The following ZNF18 variants were observed in gnomAD, a reference collection of about 807,000 sequenced individuals.
ZNF18 encodes zinc finger protein 18.
A neutral mutation model predicts 58.1 loss-of-function variants in ZNF18; 42 were observed. The observed-to-expected ratio is 0.72, with a 90% confidence interval of 0.56 to 0.93. ZNF18 has a LOEUF of 0.93. ZNF18 is among the 40% of genes least tolerant of loss of function. The probability of loss-of-function intolerance (pLI) is 0.00; values close to 1 mark genes in which losing one functional copy is unlikely to be tolerated. For missense variants in ZNF18, 540 were observed against 644.2 expected (o/e 0.84, Z 1.75); for synonymous variants, 231 against 239.8 (o/e 0.96, Z 0.34).
At chr17:11,982,772 A>G (rs1967457446) in intron 6 of ZNF18, among the ~76,000 whole-genome samples, 1 of 151,914 alleles carries the variant, frequency 6.6e-6, no homozygotes, top group Non-Finnish European at 1.5e-5. Flanking sequence ...TGACTATTTT[A>G]CAAGATAACA....
chr17:12,014,751 T>C, the ZNF18 span, among the ~76,000 whole-genome samples: 4 of 152,102 alleles, frequency 2.6e-5, no homozygotes, highest in Non-Finnish European at 5.9e-5. Flanking sequence ...ACTGTGAATG[T>C]ACAAAAACCA....
Position 11,978,368 on chromosome 17 carries a change from A to T in ZNF18, c.1239T>A (p.Cys413Ter), listed in dbSNP as rs1967119694. The T allele has an allele frequency of 1.3e-6, 2 of 1,564,104 alleles. No homozygotes were observed. Among genetic ancestry groups the T allele is most frequent in the East Asian group, 4.5e-5 (2 of 44,628 alleles). Reference protein sequence around the residue: ...MAQKLPTCRECGKTFYRNSQL... With the variant: ...MAQKLPTCRE ...GAGAATTCCTATAAAAGGTCTTCCCACACTCCCTGCAGGTGGGGAGCTTCT... is the reference window on the plus strand; with the variant it reads ...GAGAATTCCTATAAAAGGTCTTCCCTCACTCCCTGCAGGTGGGGAGCTTCT... The change falls in exon 7 of 7, where the codon TGT becomes TGA. Residue 413 changes from cysteine (C) to a stop codon, truncating the protein, a stop_gained. Transcript: ENST00000580306. LOFTEE classifies it high-confidence loss of function.
chr17:12,020,910 C>CGGCGGCGGCTCCGGG, the ZNF18 span: 1 of 1,215,754 alleles, frequency 8.2e-7, no homozygotes, highest in Non-Finnish European at 1.0e-6. Context: ...GCCCGAGCGG[C>CGGCGGCGGCTCCGGG]GGCGGCGGCT....
Position 11,992,775 on chromosome 17 carries a change from C to T in ZNF18, c.55G>A (p.Glu19Lys), listed in dbSNP as rs1377448549. The T allele has an allele frequency of 2.7e-5, 44 of 1,614,002 alleles. No individual in the cohort carries two copies. The highest frequency in any genetic ancestry group is 3.7e-5 in the Non-Finnish European group (44 of 1,180,050). ...LGLLPSLAKA[E>K]DSQFSESDAA... ...TCTGATTCTGAGAACTGGGAGTCCT[C>T]GGCCTTCGCCAGCGATGGCAGCAGG... Residue 19 changes from glutamate to lysine, a missense_variant, in exon 2 of 7, where the codon GAG becomes AAG. Physicochemically the swap from Glu to Lys is moderately conservative, Grantham distance 56. Transcript: ENST00000580306.
chr17:11,992,503 T>G lies in ZNF18; in HGVS notation c.327A>C (p.Gly109=). 1.2e-6 allele frequency: 2 copies of G among 1,614,164 alleles called. No homozygotes were observed. The highest frequency in any genetic ancestry group is 1.7e-6 in the Non-Finnish European group (2 of 1,180,006). ...TTTCCACAAGGGTCACTGCCTCTTCTCCACTTCCTGGACACTGTTTCCGCA... is the reference window on the plus strand; with the variant it reads ...TTTCCACAAGGGTCACTGCCTCTTCGCCACTTCCTGGACACTGTTTCCGCA... ...MWVRKQCPGS[G]EEAVTLVESL... The change falls in exon 2 of 7, where the codon GGA becomes GGC. Residue 109 remains glycine (G), a synonymous_variant. Transcript: ENST00000580306.
chr17:12,001,515 G>C (rs1414964044), upstream of ZNF18, among the ~76,000 whole-genome samples: 1 of 152,052 alleles, frequency 6.6e-6, no homozygotes, highest in Non-Finnish European at 1.5e-5. Context: ...TGTAGTCCCA[G>C]CAACTCTAGA....
At chr17:12,016,393 G>A in the ZNF18 span, among the ~76,000 whole-genome samples, 477 of 152,094 alleles carry the variant, frequency 3.1e-3, 2 homozygotes, top group Non-Finnish European at 5.4e-3. Context: ...GCAGTGGCAC[G>A]ATCTTGGCTC....
chr17:11,992,741 A>G lies in ZNF18; in HGVS notation c.89T>C (p.Leu30Pro). 1 of 1,614,268 alleles carries G rather than the reference A, an allele frequency of 6.2e-7. No homozygotes were observed. The highest frequency in any genetic ancestry group is 8.5e-7 in the Non-Finnish European group (1 of 1,180,048). Residue 30 changes from leucine to proline, a missense_variant, in exon 2 of 7, where the codon CTT becomes CCT. Transcript: ENST00000580306. ...DSQFSESDAA[L>P]QEELSSPETA... The stretch of plus-strand genomic sequence containing the variant: ...CTCAGGGCTGGAGAGTTCCTCTTGA[A>G]GGGCAGCATCTGATTCTGAGAACTG...
chr17:11,983,297 C>T lies in ZNF18; in HGVS notation c.862G>A (p.Gly288Arg). The change falls in exon 6 of 7, where the codon GGA becomes AGA. Residue 288 changes from glycine to arginine, a missense_variant and splice_region_variant. Coordinates refer to ENST00000580306, the MANE Select transcript of ZNF18 (RefSeq NM_001303281.2). ...NEKIPRPTCI[G>R]DRQENDKENL... ...TCCAGACCAATGAAAGATTACTCAC[C>T]TATGCAGGTGGGTCTTGGGATCTTC... The T allele has an allele frequency of 6.2e-7, 1 of 1,607,138 alleles. No homozygotes were observed. The highest frequency in any genetic ancestry group is 1.3e-5 in the African/African-American group (1 of 74,872).
the ZNF18 span, among the ~76,000 whole-genome samples, chr17:12,004,720 C>G: frequency 2.0e-5 from 3 of 151,996 alleles, no homozygotes; most frequent in East Asian, 5.8e-4. Flanking sequence ...AACCATGTCT[C>G]TACTAAAAAT....
chr17:12,004,617 G>C, the ZNF18 span, among the ~76,000 whole-genome samples: 8 of 152,138 alleles, frequency 5.3e-5, no homozygotes, highest in Non-Finnish European at 1.0e-4. Context: ...GCCGGGCACG[G>C]TGGCTGAAGC....
intron 1 of ZNF18, among the ~76,000 whole-genome samples, chr17:11,994,596 C>T (rs185134072): frequency 1.3e-5 from 2 of 151,806 alleles, no homozygotes; most frequent in African/African-American, 4.8e-5. Flanking sequence ...AATCCCAGCA[C>T]TTTGGGAGGC....
At chr17:12,003,311 C>T in the ZNF18 span, among the ~76,000 whole-genome samples, 1,328 of 152,034 alleles carry the variant, frequency 8.7e-3, 22 homozygotes, top group African/African-American at 0.031. Flanking sequence ...TGGTGGCAGG[C>T]GCCTGTAATC....
intron 1 of ZNF18, chr17:11,996,877 A>G (rs1968503457): frequency 6.6e-6 from 1 of 152,218 alleles, no homozygotes; most frequent in African/African-American, 2.4e-5. Flanking sequence ...GAAGCTCTAA[A>G]GCCTTTGCTT....
Position 11,977,938 on chromosome 17 carries a change from AAG to A in ZNF18, c.*17_*18del, listed in dbSNP as rs1261741621. The A allele has an allele frequency of 5.2e-6, 8 of 1,537,110 alleles. No individual in the cohort carries two copies. Among genetic ancestry groups the A allele is most frequent in the East Asian group, 2.3e-5 (1 of 44,386 alleles). ...CTGGGCTGGGAGATAGAAATGGGGA[AAG>A]AGAGTTTGGTTACTGGCTATTGAAA... On this transcript the variant is annotated 3_prime_UTR_variant, in exon 7 of 7. Coordinates refer to ENST00000580306, the MANE Select transcript of ZNF18 (RefSeq NM_001303281.2).
At chr17:11,994,626 G>A (rs965865622) in intron 1 of ZNF18, among the ~76,000 whole-genome samples, 3 of 152,148 alleles carry the variant, frequency 2.0e-5, no homozygotes, top group African/African-American at 7.2e-5. Flanking sequence ...TGGATCACAA[G>A]GTCAGGAGAT....
At chr17:11,998,470 T>G (rs1383368137), upstream of ZNF18, 1 of 151,772 alleles carries the variant, frequency 6.6e-6, no homozygotes, top group Non-Finnish European at 1.5e-5. Context: ...GAGCTGTCAT[T>G]ATCATAACAT....
Position 11,984,199 on chromosome 17 carries a change from T to C in ZNF18, c.667-2A>G, listed in dbSNP as rs760212037. ...GGAATCCAGTTGTCTCCACTGTTCC[T>C]GGAAAAAAAAAAAAAAAAGCAATAC... On this transcript the variant is annotated splice_acceptor_variant, in intron 4 of 6. Coordinates refer to ENST00000580306, the MANE Select transcript of ZNF18 (RefSeq NM_001303281.2). LOFTEE classifies it high-confidence loss of function. 3 of 1,559,248 alleles carry C rather than the reference T, an allele frequency of 1.9e-6. No homozygotes were observed. Among genetic ancestry groups the C allele is most frequent in the Admixed American group, 1.9e-5 (1 of 51,770 alleles).
chr17:11,996,918 T>C (rs1365706362), intron 1 of ZNF18: 1 of 152,250 alleles, frequency 6.6e-6, no homozygotes, highest in Non-Finnish European at 1.5e-5. Flanking sequence ...TGGTGATTTG[T>C]TGGGGCGTTT....
Sources: gnomAD v4.1 joint callset for allele counts (sites outside exome capture counted in the v4.1 genomes callset) on GRCh38, gnomAD v4.1.1 for gene constraint, MANE v1.5 for transcripts, NCBI Gene and HGNC (gene_info 2026-07-23, HGNC 2026-07-21) for gene names.